DPP6: variants seen among roughly 807,000 people sequenced by gnomAD.
DPP6 encodes the protein dipeptidyl peptidase like 6.
In DPP6, 69 loss-of-function variants were observed where a neutral mutation model predicts 122.6. The ratio of observed to expected loss-of-function variants is 0.56; its 90% confidence interval spans 0.46 to 0.69. The LOEUF (loss-of-function observed/expected upper bound fraction) is 0.69. DPP6 is among the 30% of genes least tolerant of loss of function. DPP6 has a pLI of 0.00. For missense variants in DPP6, 928 were observed against 1,116.9 expected, an observed-to-expected ratio of 0.83 and a Z score of 2.41; for synonymous variants, 418 against 433.1, an observed-to-expected ratio of 0.97 and a Z score of 0.43.
At chr7:154,551,714 C>G (rs945020254) in intron 4 of DPP6, among the ~76,000 whole-genome samples, 2 of 152,014 alleles carry the variant, frequency 1.3e-5, no homozygotes, top group African/African-American at 4.8e-5. Context: ...TCATACATTT[C>G]CCTCTTTTGA....
Position 154,128,195 on chromosome 7 carries a change from G to A in DPP6, c.243+75132G>A, listed in dbSNP as rs1268298107. Among the ~76,000 whole-genome samples, 4 of 151,220 alleles carry A rather than the reference G, an allele frequency of 2.6e-5. No homozygotes were observed. In the South Asian group the frequency reaches 6.3e-4, roughly 24 times the overall value. ...ATTTTATGCTGGAACAAGCTGCAGA[G>A]TGATCAGTCACATTTGCAGCCCTGT... On this transcript the variant is annotated intron_variant, in intron 1 of 25. Coordinates refer to ENST00000377770, the MANE Select transcript of DPP6 (RefSeq NM_130797.4).
At chr7:154,837,972 C>T (rs1049482354) in intron 16 of DPP6, among the ~76,000 whole-genome samples, 4 of 152,058 alleles carry the variant, frequency 2.6e-5, no homozygotes, top group Non-Finnish European at 5.9e-5. Flanking sequence ...TTCCCCCAAG[C>T]GATCTTACAT....
At position 154,378,824 on chromosome 7, in the gene DPP6, GGC is replaced by G. The variant is rs1388084865; in HGVS notation, c.244-67389_244-67388del. On this transcript the variant is annotated intron_variant, in intron 1 of 25. Transcript: ENST00000377770. ...CAAGGCAGAAGGCAAAGGAGAACCA[GGC>G]AACTTCTTCGCAAGGAGGCAGGAAA... Among the ~76,000 whole-genome samples, 10 of 152,200 alleles carry G rather than the reference GGC, an allele frequency of 6.6e-5. No individual in the cohort carries two copies. The East Asian group carries it at 1.9e-3, about 29-fold the overall frequency.
chr7:153,958,412 C>T (rs993288177), intron 1 of DPP6, among the ~76,000 whole-genome samples: 9 of 152,088 alleles, frequency 5.9e-5, no homozygotes, highest in Non-Finnish European at 8.8e-5. Flanking sequence ...GGTTCTAACA[C>T]GCATCCTATT....
intron 16 of DPP6, among the ~76,000 whole-genome samples, chr7:154,839,139 C>T (rs1801315743): frequency 6.6e-6 from 1 of 152,188 alleles, no homozygotes; most frequent in African/African-American, 2.4e-5. Context: ...GACACACCTA[C>T]TGAAGGGTTA....
At chr7:154,372,110 C>T (rs1022490692) in intron 1 of DPP6, among the ~76,000 whole-genome samples, 1 of 152,070 alleles carries the variant, frequency 6.6e-6, no homozygotes, top group East Asian at 1.9e-4. Flanking sequence ...GAGTCCCTTA[C>T]TGGAGGTTTG....
intron 1 of DPP6, among the ~76,000 whole-genome samples, chr7:154,077,818 G>A (rs1014409825): frequency 4.0e-5 from 6 of 151,726 alleles, no homozygotes; most frequent in Admixed American, 1.3e-4. Context: ...CTACAGGCAC[G>A]CATCACCATG....
chr7:154,566,256 G>A lies in DPP6; in HGVS notation c.553-586G>A, dbSNP rs73483858. On this transcript the variant is annotated intron_variant, in intron 4 of 25. Transcript: ENST00000377770. ...TTTGTAGAAAAGTTTGCTTTTTAAC[G>A]CTTATTTCTTTTTCTTTTCTTGCTC... Among the ~76,000 whole-genome samples, 1,149 of 152,096 alleles carry A rather than the reference G, an allele frequency of 7.6e-3. 18 individuals carry two copies. The highest frequency in any genetic ancestry group is 0.026 in the African/African-American group (1,068 of 41,520).
chr7:154,023,318 G>GCACACACACACA (rs1554436897), intron 1 of DPP6, among the ~76,000 whole-genome samples: 2,683 of 129,538 alleles, frequency 0.021, 79 homozygotes, highest in East Asian at 0.043. Context: ...TTTCTTGTCT[G>GCACACACACACA]CACACACACA....
chr7:154,697,815 G>A (rs1294591446), intron 7 of DPP6, among the ~76,000 whole-genome samples: 3 of 152,160 alleles, frequency 2.0e-5, no homozygotes, highest in African/African-American at 4.8e-5. Context: ...CATGGCGTGC[G>A]CGGCTCTGTC....
chr7:154,771,270 C>A (rs964988598), intron 9 of DPP6, among the ~76,000 whole-genome samples: 1 of 139,540 alleles, frequency 7.2e-6, no homozygotes, highest in African/African-American at 2.5e-5. Context: ...TAACACAGAC[C>A]TAGGCAGCTT....
intron 1 of DPP6, among the ~76,000 whole-genome samples, chr7:154,433,163 T>TTTTTG: frequency 1.2e-5 from 1 of 83,932 alleles, no homozygotes; most frequent in African/African-American, 4.1e-5. Flanking sequence ...TTTTTTTTTT[T>TTTTTG]GAGACAGAGT....
intron 5 of DPP6, among the ~76,000 whole-genome samples, chr7:154,633,350 C>T (rs1835523861): frequency 6.6e-6 from 1 of 152,180 alleles, no homozygotes. Context: ...GATTCTTCCA[C>T]CTCAGCCTCC....
intron 21 of DPP6, chr7:154,883,825 A>G (rs1246189452): frequency 2.9e-5 from 4 of 140,040 alleles, no homozygotes; most frequent in African/African-American, 8.1e-5. Context: ...ACACAATTAC[A>G]TACACCTGCT....
chr7:153,875,677 AAC>A, the DPP6 span, among the ~76,000 whole-genome samples: 52 of 152,118 alleles, frequency 3.4e-4, no homozygotes, highest in African/African-American at 1.2e-3. Flanking sequence ...TTATGGGGTA[AAC>A]ACTGAAAGAA....
chr7:154,150,942 C>CT (rs1483057710), intron 1 of DPP6, among the ~76,000 whole-genome samples: 1 of 152,194 alleles, frequency 6.6e-6, no homozygotes, highest in Non-Finnish European at 1.5e-5. Flanking sequence ...GGTCGCCTGT[C>CT]TCCCTCCTCC....
chr7:154,414,698 G>A (rs572444190), intron 1 of DPP6, among the ~76,000 whole-genome samples: 11 of 152,176 alleles, frequency 7.2e-5, no homozygotes, highest in Non-Finnish European at 1.2e-4. Context: ...ATCAGGTGTC[G>A]GCTGGGGCTG....
At chr7:153,895,525 C>T (rs1045807873) in intron 1 of DPP6, among the ~76,000 whole-genome samples, 57 of 152,198 alleles carry the variant, frequency 3.7e-4, no homozygotes, top group Admixed American at 8.5e-4. Context: ...ATGATTTCTT[C>T]TGCATTGACT....
intron 1 of DPP6, among the ~76,000 whole-genome samples, chr7:154,321,252 AG>A (rs1323464455): frequency 6.6e-6 from 1 of 151,478 alleles, no homozygotes; most frequent in Non-Finnish European, 1.5e-5. Context: ...GCTCTAGCCT[AG>A]GTGACAGAGC....
Sources: gnomAD v4.1 joint callset for allele counts (sites outside exome capture counted in the v4.1 genomes callset) on GRCh38, gnomAD v4.1.1 for gene constraint, MANE v1.5 for transcripts, NCBI Gene and HGNC (gene_info 2026-07-23, HGNC 2026-07-21) for gene names.